The following GRIA1 variants were observed in gnomAD, a reference collection of about 807,000 sequenced individuals.
GRIA1 encodes the protein glutamate ionotropic receptor AMPA type subunit 1.
A neutral mutation model predicts 99.2 loss-of-function variants in GRIA1; 31 were observed. That is an observed-to-expected ratio of 0.31 (90% confidence interval 0.23 to 0.42). GRIA1 has a LOEUF of 0.42. GRIA1 is among the 10% of genes least tolerant of loss of function. GRIA1 has a pLI of 1.00. For missense variants in GRIA1, 782 were observed against 1,157.5 expected (o/e 0.68, Z 4.71); for synonymous variants, 438 against 432.4 (o/e 1.01, Z -0.16).
In GRIA1 at chr5:153,518,373, G is replaced by A. The variant is rs369616666; in HGVS notation, c.220+24308G>A. Among the ~76,000 whole-genome samples, 3 of 152,256 alleles carry A rather than the reference G, an allele frequency of 2.0e-5. No individual in the cohort carries two copies. The East Asian group carries it at 5.8e-4, about 29-fold the overall frequency. On this transcript the variant is annotated intron_variant, in intron 2 of 15. Transcript: ENST00000285900. ...GTTCCTTGTATCCTGTGTCTAGTCT[G>A]GGGTTAGCACAGACTAAGTGCTTAG... is the stretch of plus-strand genomic sequence containing the variant.
intron 6 of GRIA1, among the ~76,000 whole-genome samples, chr5:153,676,137 G>A (rs1250429995): frequency 4.6e-5 from 7 of 152,288 alleles, no homozygotes; most frequent in South Asian, 4.1e-4. Context: ...GATTACAGGC[G>A]TGAGCCACTG....
chr5:153,622,397 G>A (rs1038129652), intron 2 of GRIA1, among the ~76,000 whole-genome samples: 2 of 152,176 alleles, frequency 1.3e-5, no homozygotes, highest in African/African-American at 2.4e-5. Flanking sequence ...GTCAATGTTA[G>A]CAAACATGGT....
At chr5:153,660,182 T>A (rs990832759) in intron 5 of GRIA1, among the ~76,000 whole-genome samples, 1 of 152,308 alleles carries the variant, frequency 6.6e-6, no homozygotes, top group African/African-American at 2.4e-5. Flanking sequence ...AAGAATAAGA[T>A]GATCAGGCTA....
chr5:153,570,697 G>T (rs1762036408), intron 2 of GRIA1, among the ~76,000 whole-genome samples: 1 of 152,084 alleles, frequency 6.6e-6, no homozygotes, highest in Non-Finnish European at 1.5e-5. Context: ...CCAAGCCTCG[G>T]TTTTCTCATC....
Position 153,811,618 on chromosome 5 carries a change from A to C in GRIA1, c.*393A>C. On this transcript the variant is annotated 3_prime_UTR_variant, in exon 16 of 16. Coordinates refer to ENST00000285900, the MANE Select transcript of GRIA1 (RefSeq NM_000827.4). ...GCAATTTTTTTTCTTACTAATATCC[A>C]TGGTTTGCAGGTTCTGTTAGGCCCT... 6.0e-6 allele frequency: 1 copy of C among 167,368 alleles called. No homozygotes were observed. The highest frequency in any genetic ancestry group is 1.3e-5 in the Non-Finnish European group (1 of 76,704). 10.4% of individuals were successfully genotyped at this position (167,368 alleles called of 1,614,324 possible).
At chr5:153,716,398 T>G (rs1759670468) in intron 11 of GRIA1, among the ~76,000 whole-genome samples, 1 of 152,232 alleles carries the variant, frequency 6.6e-6, no homozygotes, top group Non-Finnish European at 1.5e-5. Context: ...CAGGGATTGT[T>G]ATAATTTTTT....
At chr5:153,636,076 G>A (rs1312997510) in intron 2 of GRIA1, among the ~76,000 whole-genome samples, 1 of 152,184 alleles carries the variant, frequency 6.6e-6, no homozygotes, top group Non-Finnish European at 1.5e-5. Flanking sequence ...CTTTGGTCCT[G>A]TCAGGGTTCC....
intron 5 of GRIA1, among the ~76,000 whole-genome samples, chr5:153,667,286 G>C (rs1428070222): frequency 6.6e-6 from 1 of 152,178 alleles, no homozygotes; most frequent in Non-Finnish European, 1.5e-5. Flanking sequence ...TCTTCCTTCT[G>C]ACTGGTGTGG....
At chr5:153,556,619 C>G (rs937789151) in intron 2 of GRIA1, among the ~76,000 whole-genome samples, 2 of 152,034 alleles carry the variant, frequency 1.3e-5, no homozygotes, top group Admixed American at 1.3e-4. Flanking sequence ...ATTTTATGTT[C>G]CTAGTCTCTA....
chr5:153,514,401 T>A (rs1327023322), intron 2 of GRIA1, among the ~76,000 whole-genome samples: 1 of 152,252 alleles, frequency 6.6e-6, no homozygotes, highest in African/African-American at 2.4e-5. Context: ...TCAATTCTTC[T>A]GCATGTGAAT....
At chr5:153,490,451 T>A, upstream of GRIA1, 1 of 204,112 alleles carries the variant, frequency 4.9e-6, no homozygotes. Flanking sequence ...GAGGATAAGG[T>A]GAGGATGGGA....
chr5:153,618,066 G>T (rs1766684837), intron 2 of GRIA1, among the ~76,000 whole-genome samples: 1 of 152,208 alleles, frequency 6.6e-6, no homozygotes, highest in Non-Finnish European at 1.5e-5. Flanking sequence ...TTGTATGCTG[G>T]TTTTCTTCCC....
intron 2 of GRIA1, among the ~76,000 whole-genome samples, chr5:153,521,340 G>A (rs748360450): frequency 1.6e-4 from 25 of 152,262 alleles, no homozygotes; most frequent in South Asian, 4.1e-4. Context: ...GAGAAACAGA[G>A]TAAGAGGCAG....
At chr5:153,713,275 G>A (rs2149530302) in intron 11 of GRIA1, among the ~76,000 whole-genome samples, 1 of 152,272 alleles carries the variant, frequency 6.6e-6, no homozygotes, top group East Asian at 1.9e-4. Flanking sequence ...ACTTACCAAG[G>A]GTTTCACCAG....
intron 2 of GRIA1, among the ~76,000 whole-genome samples, chr5:153,608,881 C>T (rs953657052): frequency 1.3e-5 from 2 of 151,962 alleles, no homozygotes; most frequent in East Asian, 1.9e-4. Context: ...TATCTTTTTC[C>T]CTAGTAGATA....
At chr5:153,669,788 A>G (rs1462329170) in intron 5 of GRIA1, among the ~76,000 whole-genome samples, 2 of 152,108 alleles carry the variant, frequency 1.3e-5, no homozygotes, top group Non-Finnish European at 2.9e-5. Flanking sequence ...TCATATATTT[A>G]TGTTTCTTTT....
chr5:153,673,012 A>G (rs985286284), intron 5 of GRIA1, among the ~76,000 whole-genome samples: 14 of 152,174 alleles, frequency 9.2e-5, no homozygotes, highest in African/African-American at 2.9e-4. Flanking sequence ...CAGGCCCCCA[A>G]TTATACCTAA....
chr5:153,618,608 G>A lies in GRIA1; in HGVS notation c.221-28320G>A, dbSNP rs563579311. On this transcript the variant is annotated intron_variant, in intron 2 of 15. Coordinates refer to ENST00000285900, the MANE Select transcript of GRIA1 (RefSeq NM_000827.4). ...CCACGTATGGAGCAGTCTGGGGACC[G>A]AAACAAAGAAATGAAAACAAACAGA... is the stretch of plus-strand genomic sequence containing the variant. 1.3e-4 allele frequency among the ~76,000 whole-genome samples: 20 copies of A among 152,202 alleles called. No individual in the cohort carries two copies. The East Asian group carries it at 2.5e-3, about 19-fold the overall frequency.
At chr5:153,783,526 G>A (rs993323679) in intron 13 of GRIA1, among the ~76,000 whole-genome samples, 1 of 152,206 alleles carries the variant, frequency 6.6e-6, no homozygotes, top group Non-Finnish European at 1.5e-5. Flanking sequence ...CCTGTTGGAG[G>A]AGCCAGACTT....
Sources: allele counts gnomAD v4.1 joint callset (sites outside exome capture counted in the v4.1 genomes callset), GRCh38; gene constraint gnomAD v4.1.1; transcripts MANE v1.5; gene names NCBI Gene and HGNC (gene_info 2026-07-23, HGNC 2026-07-21).